The following DMXL1 variants were observed in gnomAD, a reference collection of about 807,000 sequenced individuals.
DMXL1 encodes dmX-like protein 1.
DMXL1 carries 99 observed loss-of-function variants against 319.2 expected under a neutral mutation model. The ratio of observed to expected loss-of-function variants is 0.31; its 90% confidence interval spans 0.26 to 0.37. DMXL1 has a LOEUF of 0.37. Among genes scored for constraint, DMXL1 ranks in the 10% least tolerant of loss-of-function variants. The probability of loss-of-function intolerance (pLI) is 1.00; values close to 1 mark genes in which losing one functional copy is unlikely to be tolerated. For missense variants in DMXL1, 3,745 were observed against 3,595.6 expected, an observed-to-expected ratio of 1.04 and a Z score of -1.06; for synonymous variants, 1,385 against 1,235.2, an observed-to-expected ratio of 1.12 and a Z score of -2.54.
At chr5:119,201,179 A>G (rs937488157) in intron 32 of DMXL1, among the ~76,000 whole-genome samples, 2 of 152,140 alleles carry the variant, frequency 1.3e-5, no homozygotes, top group African/African-American at 4.8e-5. Context: ...GCTTTTGCCC[A>G]TTCAGTATGA....
At chr5:119,230,321 C>A (rs184546512) in intron 38 of DMXL1, among the ~76,000 whole-genome samples, 1 of 152,294 alleles carries the variant, frequency 6.6e-6, no homozygotes, top group African/African-American at 2.4e-5. Flanking sequence ...TATCCCACAT[C>A]AGATGAACTT....
chr5:119,088,911 C>G (rs369785633), intron 1 of DMXL1, among the ~76,000 whole-genome samples: 5 of 152,052 alleles, frequency 3.3e-5, no homozygotes, highest in African/African-American at 1.2e-4. Context: ...ATAGGTTACA[C>G]ACCACAATTA....
rs144134587 is a variant in DMXL1, at chr5:119,237,823, T to C, written c.8559+409T>C. Among the ~76,000 whole-genome samples the C allele has an allele frequency of 2.9e-4, 44 of 152,232 alleles. No homozygotes were observed. In the East Asian group the frequency reaches 6.9e-3, roughly 24 times the overall value. On this transcript the variant is annotated intron_variant, in intron 40 of 43. Coordinates refer to ENST00000539542, the MANE Select transcript of DMXL1 (RefSeq NM_001290321.3). ...AAGGACATCCTATAGCTGGTACTGTTATTTTCTTGTTCATCTCTTTTAATT... is the reference window on the plus strand; with the variant it reads ...AAGGACATCCTATAGCTGGTACTGTCATTTTCTTGTTCATCTCTTTTAATT...
At position 119,133,291 on chromosome 5, in the gene DMXL1, T is replaced by A. The variant is rs751640860; in HGVS notation, c.1475T>A (p.Met492Lys). 1.2e-6 allele frequency: 2 copies of A among 1,614,130 alleles called. No individual in the cohort carries two copies. The highest frequency in any genetic ancestry group is 8.5e-7 in the Non-Finnish European group (1 of 1,180,006). The change falls in exon 11 of 44, where the codon ATG becomes AAG. Residue 492 changes from methionine to lysine, a missense_variant. Physicochemically the swap from Met to Lys is moderately conservative, Grantham distance 95. Transcript: ENST00000539542. ...LLSEWSKNAD[M>K]LFSIHPMDGS... ...TCTGAATGGAGTAAAAATGCAGATA[T>A]GCTATTTAGTATTCATCCCATGGAT...
intron 19 of DMXL1, among the ~76,000 whole-genome samples, chr5:119,163,361 T>G (rs1389306609): frequency 2.0e-5 from 3 of 152,208 alleles, no homozygotes; most frequent in African/African-American, 7.2e-5. Context: ...AGAAACCACC[T>G]GCAATTACTT....
In DMXL1 at chr5:119,149,593, A is replaced by G; in HGVS notation, c.3766A>G (p.Ser1256Gly). 3.1e-6 allele frequency: 5 copies of G among 1,613,984 alleles called. No homozygotes were observed. Among genetic ancestry groups the G allele is most frequent in the African/African-American group, 1.3e-5 (1 of 75,034 alleles). The change falls in exon 18 of 44, where the codon AGT becomes GGT. Residue 1256 changes from serine (S) to glycine (G), a missense_variant. Ser to Gly is a moderately conservative substitution (Grantham distance 56). Around this residue, in one of 4 missense-constraint regions of DMXL1, gnomAD observed 2,096 missense variants for 1,985.4 expected, o/e 1.06. Coordinates refer to ENST00000539542, the MANE Select transcript of DMXL1 (RefSeq NM_001290321.3). ...AGAACCTGTTATAACAGATTCGTAC[A>G]GTGGGAGCACTCCATCTATAACAAG... ...KQEPVITDSY[S>G]GSTPSITSLI...
intron 29 of DMXL1, among the ~76,000 whole-genome samples, chr5:119,192,278 C>G (rs1243460366): frequency 1.3e-5 from 2 of 152,210 alleles, no homozygotes; most frequent in African/African-American, 4.8e-5. Context: ...GACACCTTTT[C>G]TCGAGTTTTA....
chr5:119,128,754 A>T (rs1016716298), intron 9 of DMXL1, among the ~76,000 whole-genome samples: 3 of 152,056 alleles, frequency 2.0e-5, no homozygotes, highest in African/African-American at 7.2e-5. Context: ...AAAATACTCT[A>T]AAAAATAGTA....
At chr5:119,107,358 A>G (rs1758589944) in intron 4 of DMXL1, among the ~76,000 whole-genome samples, 1 of 152,072 alleles carries the variant, frequency 6.6e-6, no homozygotes, top group Admixed American at 6.6e-5. Context: ...AAAAAAGAAA[A>G]GTTATCTTTG....
chr5:119,147,264 C>G lies in DMXL1; in HGVS notation c.2705C>G (p.Thr902Arg). 6.2e-7 allele frequency: 1 copy of G among 1,612,530 alleles called. No individual in the cohort carries two copies. Among genetic ancestry groups the G allele is most frequent in the East Asian group, 2.2e-5 (1 of 44,844 alleles). ...TGTTTTGTAGATGAAAAAGTAGATA[C>G]AAAATTATCCGAAGCGGTTTGGCAG... ...IPVSLDEKVD[T>R]KLSEAVWQPE... Residue 902 changes from threonine to arginine, a missense_variant, in exon 17 of 44, where the codon ACA becomes AGA. By Grantham distance (71) the Thr-to-Arg change is moderately conservative (BLOSUM62 -1). Transcript: ENST00000539542.
intron 13 of DMXL1, among the ~76,000 whole-genome samples, chr5:119,142,606 A>G (rs546820047): frequency 3.9e-5 from 6 of 152,116 alleles, no homozygotes; most frequent in Middle Eastern, 3.4e-3. Flanking sequence ...AATTAATTCA[A>G]CCGTTGTGGA....
intron 3 of DMXL1, among the ~76,000 whole-genome samples, chr5:119,103,642 GT>G (rs1757734517): frequency 6.6e-6 from 1 of 152,012 alleles, no homozygotes; most frequent in Non-Finnish European, 1.5e-5. Flanking sequence ...ATTTCTATTT[GT>G]TTTTATAGAT....
At chr5:119,119,138 G>A (rs1292152197) in intron 8 of DMXL1, 134 bp downstream of exon 8, 4 of 551,228 alleles carry the variant, frequency 7.3e-6, no homozygotes, top group Non-Finnish European at 1.2e-5. Flanking sequence ...GTTCTATTTG[G>A]TTCAAAAAAC....
chr5:119,101,073 G>A (rs557021766), intron 2 of DMXL1, among the ~76,000 whole-genome samples: 18 of 152,050 alleles, frequency 1.2e-4, no homozygotes, highest in Non-Finnish European at 2.5e-4. Flanking sequence ...GAGCCACCGC[G>A]GCCGGCCTTA....
Position 119,164,662 on chromosome 5 carries a change from A to C in DMXL1, c.4858A>C (p.Lys1620Gln), listed in dbSNP as rs1246153858. 6.3e-7 allele frequency: 1 copy of C among 1,595,098 alleles called. No individual in the cohort carries two copies. The highest frequency in any genetic ancestry group is 8.6e-7 in the Non-Finnish European group (1 of 1,168,006). ...WWVRNTRILR[K>Q]CIEKVAKAAF... ...GGTCCGGAATACCCGCATCTTACGC[A>C]AATGCATAGAAAAAGTAAGTGTTTT... The change falls in exon 20 of 44, where the codon AAA becomes CAA. Residue 1620 changes from lysine (K) to glutamine (Q), a missense_variant. This residue lies in a region of DMXL1 where 2,096 missense variants were observed against 1,985.4 expected (regional missense o/e 1.06). Coordinates refer to ENST00000539542, the MANE Select transcript of DMXL1 (RefSeq NM_001290321.3).
intron 13 of DMXL1, among the ~76,000 whole-genome samples, chr5:119,138,273 G>T (rs551101424): frequency 8.0e-4 from 122 of 152,290 alleles, no homozygotes; most frequent in African/African-American, 2.7e-3. Context: ...GACTCCCAAG[G>T]TTTGTGATTG....
Position 119,197,748 on chromosome 5 carries a change from A to AT in DMXL1, c.7544-3dup. 1 of 1,613,626 alleles carries AT rather than the reference A, an allele frequency of 6.2e-7. No homozygotes were observed. Among genetic ancestry groups the AT allele is most frequent in the Non-Finnish European group, 8.5e-7 (1 of 1,179,788 alleles). The stretch of plus-strand genomic sequence containing the variant: ...AAGATTAATATGAGTCAATGTTCCC[A>AT]TTTTAGAGCTTCCAGTTAGTTCACC... On this transcript the variant is annotated splice_region_variant and splice_polypyrimidine_tract_variant and intron_variant, in intron 31 of 43. Transcript: ENST00000539542.
Position 119,171,791 on chromosome 5 carries a change from C to T in DMXL1, c.6503C>T (p.Pro2168Leu), listed in dbSNP as rs768673640. Residue 2168 changes from proline (P) to leucine (L), a missense_variant, in exon 25 of 44, where the codon CCA becomes CTA. By Grantham distance (98) the Pro-to-Leu change is moderately conservative. This residue lies in a region of DMXL1 where 1,382 missense variants were observed against 1,269.5 expected (regional missense o/e 1.09). Coordinates refer to ENST00000539542, the MANE Select transcript of DMXL1 (RefSeq NM_001290321.3). The stretch of plus-strand genomic sequence containing the variant: ...TTTGTTTTTAAGGAAACATCAGAAC[C>T]ACTATTTTCTAGCCCTCTGTCAGAG... ...LQESQQETSEPLFSSPLSEQT... is the reference protein window; with the variant it reads ...LQESQQETSELLFSSPLSEQT... 2 of 1,610,276 alleles carry T rather than the reference C, an allele frequency of 1.2e-6. No homozygotes were observed. Among genetic ancestry groups the T allele is most frequent in the East Asian group, 4.5e-5 (2 of 44,730 alleles).
chr5:119,228,219 A>G (rs1317302144), intron 38 of DMXL1, among the ~76,000 whole-genome samples: 1 of 152,214 alleles, frequency 6.6e-6, no homozygotes, highest in Non-Finnish European at 1.5e-5. Flanking sequence ...GTTATCAGAA[A>G]CCAGTACCTT....
Sources: allele counts gnomAD v4.1 joint callset (sites outside exome capture counted in the v4.1 genomes callset), GRCh38; gene constraint gnomAD v4.1.1; regional missense constraint gnomAD v4.1.1; transcripts MANE v1.5; gene names NCBI Gene and HGNC (gene_info 2026-07-23, HGNC 2026-07-21).